Variants in PRMT9 observed in about 807,000 individuals in gnomAD.
The protein encoded by PRMT9 is protein arginine methyltransferase 9.
A neutral mutation model predicts 83.2 loss-of-function variants in PRMT9; 59 were observed. The observed-to-expected ratio is 0.71, with a 90% CI of 0.57 to 0.88. PRMT9 has a LOEUF of 0.88. PRMT9 is among the 40% of genes least tolerant of loss of function. The pLI is 0.00. For missense variants in PRMT9, 947 were observed against 1,021.9 expected (o/e 0.93, Z 1.00); for synonymous variants, 333 against 353.2 (o/e 0.94, Z 0.64).
chr4:147,659,178 CAA>C (rs34005730), intron 7 of PRMT9, among the ~76,000 whole-genome samples: 15 of 115,810 alleles, frequency 1.3e-4, no homozygotes, highest in African/African-American at 9.6e-5. Context: ...GAGTCCACCT[CAA>C]AAAAAAAAAA....
At chr4:147,671,522 T>C (rs1032338235) in intron 4 of PRMT9, among the ~76,000 whole-genome samples, 10 of 152,242 alleles carry the variant, frequency 6.6e-5, no homozygotes, top group African/African-American at 2.4e-4. Context: ...TTCATGAATA[T>C]TCTTTATCTT....
At chr4:147,671,837 C>T (rs1366999941) in intron 4 of PRMT9, 1 of 456,088 alleles carries the variant, frequency 2.2e-6, no homozygotes, top group East Asian at 6.9e-5. Flanking sequence ...TTCATGCTGA[C>T]TCATGTCCCT....
At position 147,646,282 on chromosome 4, in the gene PRMT9, T is replaced by C. The variant is rs1451672401; in HGVS notation, c.2046-3342A>G. On this transcript the variant is annotated intron_variant, in intron 9 of 11. Coordinates refer to ENST00000322396, the MANE Select transcript of PRMT9 (RefSeq NM_138364.4). ...TAAGTGAAGATCAGATCTAATTTTC[T>C]TCAAGATCACAAAGGTCTCTGAAAG... 2.0e-5 allele frequency among the ~76,000 whole-genome samples: 3 copies of C among 152,202 alleles called. No individual in the cohort carries two copies. In the East Asian group the frequency reaches 5.8e-4, roughly 29 times the overall value.
intron 9 of PRMT9, among the ~76,000 whole-genome samples, chr4:147,651,438 G>A (rs908024947): frequency 5.3e-5 from 8 of 152,130 alleles, no homozygotes; most frequent in Non-Finnish European, 8.8e-5. Flanking sequence ...GATCAAAAGA[G>A]TGAAAAGGCA....
intron 9 of PRMT9, among the ~76,000 whole-genome samples, chr4:147,643,507 A>G (rs1315100749): frequency 6.6e-6 from 1 of 152,188 alleles, no homozygotes; most frequent in Admixed American, 6.5e-5. Flanking sequence ...AAATGGACAC[A>G]CGTCTTTAGA....
At position 147,638,023 on chromosome 4, in the gene PRMT9, C is replaced by T. The variant is rs1280696186; in HGVS notation, c.*509G>A. On this transcript the variant is annotated 3_prime_UTR_variant, in exon 12 of 12. Transcript: ENST00000322396. ...CCTTTACTGTTTTAATTACATTTAG[C>T]TTATAGCTTAAATTCTTTTTCAAGC... is the stretch of plus-strand genomic sequence containing the variant. 6.3e-6 allele frequency: 1 copy of T among 157,794 alleles called. No homozygotes were observed. Among genetic ancestry groups the T allele is most frequent in the Non-Finnish European group, 1.4e-5 (1 of 71,726 alleles). The allele number at this position is 157,794 out of a possible 1,614,324, so 9.8% of individuals were successfully genotyped here.
intron 11 of PRMT9, 36 bp from the exon 12 acceptor site, chr4:147,638,783 G>A: frequency 6.7e-7 from 1 of 1,485,282 alleles, no homozygotes; most frequent in Non-Finnish European, 9.3e-7. Context: ...ATATCAGAGT[G>A]CATAGAGTAG....
intron 6 of PRMT9, among the ~76,000 whole-genome samples, chr4:147,662,842 T>G (rs1349810457): frequency 6.6e-6 from 1 of 151,916 alleles, no homozygotes; most frequent in Non-Finnish European, 1.5e-5. Context: ...AATGAAAATT[T>G]AAACATTTTG....
At chr4:147,674,095 C>G (rs921311250) in intron 2 of PRMT9, among the ~76,000 whole-genome samples, 2 of 152,128 alleles carry the variant, frequency 1.3e-5, no homozygotes, top group African/African-American at 4.8e-5. Context: ...GGGAGACAAA[C>G]AAGTACCTGA....
At position 147,654,504 on chromosome 4, in the gene PRMT9, T is replaced by G. The variant is rs1458185594; in HGVS notation, c.1393A>C (p.Arg465=). The G allele has an allele frequency of 1.2e-6, 2 of 1,614,030 alleles. No homozygotes were observed. The highest frequency in any genetic ancestry group is 2.2e-5 in the South Asian group (2 of 91,080). Residue 465 remains arginine (R), a synonymous_variant, in exon 9 of 12, where the codon AGA becomes CGA. Transcript: ENST00000322396. ...MEVSCQDCYL[R]IQSISVLGLE... ...CCCAAGACACTAATACTCTGGATTC[T>G]TAAGTAACAGTCTTGACAAGATACT...
At chr4:147,673,244 TACTC>T (rs1735853646) in intron 3 of PRMT9, 118 bp from the exon 4 acceptor site, 4 of 826,952 alleles carry the variant, frequency 4.8e-6, no homozygotes, top group East Asian at 2.6e-5. Context: ...ACACAACCAT[TACTC>T]ACTCTGCATT....
intron 6 of PRMT9, among the ~76,000 whole-genome samples, chr4:147,665,054 G>A (rs1735231263): frequency 6.7e-6 from 1 of 148,874 alleles, no homozygotes; most frequent in South Asian, 2.1e-4. Context: ...ATGGGAGGTG[G>A]AGGTTGCAGT....
chr4:147,651,090 G>A (rs1322520609), intron 9 of PRMT9, among the ~76,000 whole-genome samples: 36 of 150,940 alleles, frequency 2.4e-4, no homozygotes, highest in African/African-American at 8.1e-4. Context: ...ACAAAAGAGT[G>A]AGACTCCATC....
At chr4:147,649,944 T>C (rs950770493) in intron 9 of PRMT9, among the ~76,000 whole-genome samples, 29 of 152,164 alleles carry the variant, frequency 1.9e-4, no homozygotes, top group African/African-American at 6.3e-4. Context: ...ATCATCTCAA[T>C]GGACGCAGAA....
At chr4:147,672,028 G>T (rs936907659) in intron 4 of PRMT9, 7 of 378,132 alleles carry the variant, frequency 1.9e-5, no homozygotes, top group Non-Finnish European at 3.6e-5. Flanking sequence ...GAAAATAAAT[G>T]CCTATTGTTA....
At chr4:147,683,501 C>T (rs1266223922) in intron 1 of PRMT9, among the ~76,000 whole-genome samples, 1 of 152,100 alleles carries the variant, frequency 6.6e-6, no homozygotes, top group East Asian at 1.9e-4. Context: ...AAGGTGAAGA[C>T]GGCAGGATTT....
intron 1 of PRMT9, among the ~76,000 whole-genome samples, chr4:147,683,433 G>A (rs1358723162): frequency 6.6e-6 from 1 of 152,182 alleles, no homozygotes; most frequent in East Asian, 1.9e-4. Context: ...ACTGAAGCTC[G>A]AACCAGGGTA....
At chr4:147,639,289 A>G (rs898896324) in intron 10 of PRMT9, 31 of 509,734 alleles carry the variant, frequency 6.1e-5, no homozygotes, top group African/African-American at 5.2e-4. Context: ...GTTCCAGTAC[A>G]AAAAGAATGA....
intron 6 of PRMT9, among the ~76,000 whole-genome samples, chr4:147,663,273 G>A (rs1218991291): frequency 1.3e-5 from 2 of 152,016 alleles, no homozygotes; most frequent in African/African-American, 4.8e-5. Context: ...CTCCCAAAGT[G>A]CTGAGATTAC....
Sources: allele counts gnomAD v4.1 joint callset (sites outside exome capture counted in the v4.1 genomes callset), GRCh38; gene constraint gnomAD v4.1.1; transcripts MANE v1.5; gene names NCBI Gene and HGNC (gene_info 2026-07-23, HGNC 2026-07-21).